The following ATP6V1C1 variants were observed in gnomAD, a reference collection of about 807,000 sequenced individuals.
The protein encoded by ATP6V1C1 is V-type proton ATPase subunit C 1.
In ATP6V1C1, 45 loss-of-function variants were observed where a neutral mutation model predicts 53.9. The observed-to-expected ratio is 0.83, with a 90% confidence interval of 0.66 to 1.07. The LOEUF is 1.07. Among genes scored for constraint, ATP6V1C1 ranks in the 50% least tolerant of loss-of-function variants. ATP6V1C1 has a pLI of 0.00. For synonymous variants in ATP6V1C1, 153 were observed against 155.2 expected (o/e 0.99, Z 0.11); for missense variants, 315 against 440.3 (o/e 0.72, Z 2.55).
intron 3 of ATP6V1C1, 62 bp from the exon 4 acceptor site, chr8:103,048,808 T>C (rs1345593145): frequency 7.2e-7 from 1 of 1,385,346 alleles, no homozygotes; most frequent in East Asian, 2.3e-5. Flanking sequence ...ATATGTTCAT[T>C]GTATAGAATG....
chr8:103,052,465 A>G (rs1345863185), intron 5 of ATP6V1C1, among the ~76,000 whole-genome samples: 1 of 152,068 alleles, frequency 6.6e-6, no homozygotes, highest in Non-Finnish European at 1.5e-5. Context: ...TTCCATTTCC[A>G]TGGTTTAAGA....
intron 1 of ATP6V1C1, among the ~76,000 whole-genome samples, chr8:103,025,726 A>C (rs2131379616): frequency 6.6e-6 from 1 of 152,322 alleles, no homozygotes; most frequent in East Asian, 1.9e-4. Flanking sequence ...GTGATAACAC[A>C]TCTTGTGAGG....
In ATP6V1C1 at chr8:103,069,240, T is replaced by C. The variant is rs1332341183; in HGVS notation, c.*493T>C. The C allele has an allele frequency of 6.6e-6, 1 of 152,306 alleles. No homozygotes were observed. Among genetic ancestry groups the C allele is most frequent in the Non-Finnish European group, 1.5e-5 (1 of 68,106 alleles). The allele number at this position is 152,306 out of a possible 1,614,324, so 9.4% of individuals were successfully genotyped here. A position where few individuals can be genotyped will look rare whatever the true frequency, so the allele number is the denominator to read the frequency against. ...GTTTCAAATTTCAATCAATGAGCAC[T>C]GTCAACACCCACAGGAGAGAATAAA... On this transcript the variant is annotated 3_prime_UTR_variant, in exon 13 of 13. Coordinates refer to ENST00000518738, the MANE Select transcript of ATP6V1C1 (RefSeq NM_001695.5).
At chr8:103,064,601 T>C in intron 10 of ATP6V1C1, 113 bp from the exon 11 acceptor site, 1 of 745,388 alleles carries the variant, frequency 1.3e-6, no homozygotes, top group Non-Finnish European at 2.1e-6. Context: ...AAGTGAATTA[T>C]GCGACTTAAT....
intron 5 of ATP6V1C1, among the ~76,000 whole-genome samples, 194 bp downstream of exon 5, chr8:103,051,338 ATACT>A (rs1168427930): frequency 6.6e-6 from 1 of 152,088 alleles, no homozygotes; most frequent in Non-Finnish European, 1.5e-5. Flanking sequence ...TCTAAGTTGA[ATACT>A]TAGTTATGTA....
At chr8:103,060,522 T>G (rs1817379111) in intron 8 of ATP6V1C1, among the ~76,000 whole-genome samples, 1 of 152,254 alleles carries the variant, frequency 6.6e-6, no homozygotes, top group South Asian at 2.1e-4. Context: ...TATGCCTGTT[T>G]CCTTTACTAA....
intron 1 of ATP6V1C1, among the ~76,000 whole-genome samples, chr8:103,035,654 G>C (rs964781612): frequency 6.6e-6 from 1 of 152,116 alleles, no homozygotes; most frequent in African/African-American, 2.4e-5. Flanking sequence ...GAAAGGGGAA[G>C]GTCTAGGTAC....
chr8:103,040,446 A>G (rs1400690230), intron 1 of ATP6V1C1, among the ~76,000 whole-genome samples: 4 of 152,120 alleles, frequency 2.6e-5, no homozygotes, highest in Non-Finnish European at 1.5e-5. Flanking sequence ...TAAACCTATA[A>G]ATTTGTAACT....
chr8:103,066,743 A>C (rs1365721199), intron 12 of ATP6V1C1, among the ~76,000 whole-genome samples: 1 of 151,066 alleles, frequency 6.6e-6, no homozygotes, highest in Non-Finnish European at 1.5e-5. Context: ...ATTTACAAAA[A>C]CTATAAATTG....
chr8:103,062,177 T>TG (rs1482180561), intron 8 of ATP6V1C1, among the ~76,000 whole-genome samples: 15 of 136,122 alleles, frequency 1.1e-4, no homozygotes, highest in African/African-American at 3.6e-4. Context: ...TTTTTTTTTT[T>TG]TTTTTTTTTT....
intron 1 of ATP6V1C1, among the ~76,000 whole-genome samples, chr8:103,031,038 C>T (rs1329993448): frequency 6.6e-6 from 1 of 152,140 alleles, no homozygotes; most frequent in Non-Finnish European, 1.5e-5. Flanking sequence ...CCCTAACTTA[C>T]CTGCCCACCA....
chr8:103,046,337 G>T (rs1388204345), intron 3 of ATP6V1C1, among the ~76,000 whole-genome samples: 3 of 151,958 alleles, frequency 2.0e-5, no homozygotes, highest in African/African-American at 7.3e-5. Context: ...TTCCTGAGTA[G>T]CTAGGACTAT....
At position 103,040,747 on chromosome 8, in the gene ATP6V1C1, T is replaced by G. The variant is rs144988313; in HGVS notation, c.-39-51T>G. On this transcript the variant is annotated intron_variant, in intron 1 of 12. Transcript: ENST00000518738. ...CTTCTCCTATGATTCTGAAACACTT[T>G]AGAAACAAATGATTTTAAATGTGAT... 5,742 of 1,479,198 alleles carry G rather than the reference T, an allele frequency of 3.9e-3. 22 individuals carry two copies. The highest frequency in any genetic ancestry group is 4.7e-3 in the South Asian group (356 of 76,338). The allele number at this position is 1,479,198 out of a possible 1,614,324, so 91.6% of individuals were successfully genotyped here.
intron 3 of ATP6V1C1, 43 bp downstream of exon 3, chr8:103,042,450 CTA>C: frequency 1.9e-6 from 3 of 1,572,432 alleles, no homozygotes; most frequent in South Asian, 2.2e-5. Context: ...ATGGGAGACA[CTA>C]TTATCAGGCT....
chr8:103,047,499 TTTC>T (rs1285325475), intron 3 of ATP6V1C1, among the ~76,000 whole-genome samples: 25 of 149,616 alleles, frequency 1.7e-4, no homozygotes, highest in Non-Finnish European at 3.4e-4. Flanking sequence ...ATTACAGGAA[TTTC>T]TTAATTTGTC....
At chr8:103,056,984 G>A (rs1013871568) in intron 8 of ATP6V1C1, among the ~76,000 whole-genome samples, 3 of 151,610 alleles carry the variant, frequency 2.0e-5, no homozygotes, top group East Asian at 3.8e-4. Context: ...GGTAGGGTCC[G>A]TCACTGGTAG....
intron 3 of ATP6V1C1, among the ~76,000 whole-genome samples, chr8:103,046,471 C>T (rs773420143): frequency 5.9e-5 from 9 of 152,138 alleles, no homozygotes; most frequent in Non-Finnish European, 7.4e-5. Context: ...CTCAGCCTCC[C>T]AAAATGCTGA....
chr8:103,050,903 A>G, intron 4 of ATP6V1C1, 147 bp from the exon 5 acceptor site: 1 of 625,422 alleles, frequency 1.6e-6, no homozygotes, highest in South Asian at 1.8e-5. Context: ...GTTACTTAAT[A>G]TAGTTCACAT....
chr8:103,060,486 AC>A (rs1221732551), intron 8 of ATP6V1C1, among the ~76,000 whole-genome samples: 3 of 152,352 alleles, frequency 2.0e-5, no homozygotes, highest in African/African-American at 4.8e-5. Context: ...TGCAGCACTT[AC>A]AACTCTATAT....
Sources: allele counts gnomAD v4.1 joint callset (sites outside exome capture counted in the v4.1 genomes callset), GRCh38; gene constraint gnomAD v4.1.1; transcripts MANE v1.5; gene names NCBI Gene and HGNC (gene_info 2026-07-23, HGNC 2026-07-21).